Variants in CEP120 observed in about 807,000 individuals in gnomAD.
CEP120 encodes the protein centrosomal protein 120.
A neutral mutation model predicts 126.5 loss-of-function variants in CEP120; 113 were observed. The ratio of observed to expected loss-of-function variants is 0.89; its 90% CI spans 0.77 to 1.04. CEP120 has a LOEUF of 1.04. Ranked by LOEUF, CEP120 falls within the 50% of genes least tolerant of loss-of-function variation. CEP120 has a pLI of 0.00. For synonymous variants in CEP120, 400 were observed against 394.3 expected, an observed-to-expected ratio of 1.01 and a Z score of -0.17; for missense variants, 1,230 against 1,155.7, an observed-to-expected ratio of 1.06 and a Z score of -0.93.
rs1410093142 is a variant in CEP120, at chr5:123,346,226, A to AACTT, written c.*289_*292dup. The AACTT allele has an allele frequency of 1.4e-5, 4 of 279,886 alleles. No individual in the cohort carries two copies. Among genetic ancestry groups the AACTT allele is most frequent in the East Asian group, 1.5e-4 (2 of 13,510 alleles). The allele number at this position is 279,886 out of a possible 1,614,324, so 17.3% of individuals were successfully genotyped here. A position where few individuals can be genotyped will look rare whatever the true frequency, so the allele number is the denominator to read the frequency against. ...TACCGCAGTCATTTCTCCTACAACA[A>AACTT]ACTTAGTTAAAAGCTGTTTTGAAAG... On this transcript the variant is annotated 3_prime_UTR_variant, in exon 20 of 20. Coordinates refer to ENST00000306467, the MANE Select transcript of CEP120 (RefSeq NM_001375405.1).
intron 4 of CEP120, among the ~76,000 whole-genome samples, chr5:123,409,217 A>G (rs897815345): frequency 6.6e-6 from 1 of 152,244 alleles, no homozygotes; most frequent in African/African-American, 2.4e-5. Context: ...AAAGTATTTG[A>G]CAAAATCCAT....
At chr5:123,409,341 T>G (rs934068226) in intron 4 of CEP120, among the ~76,000 whole-genome samples, 5 of 152,170 alleles carry the variant, frequency 3.3e-5, no homozygotes, top group African/African-American at 1.2e-4. Context: ...GTGAAAAACC[T>G]GAAGCATTCA....
intron 12 of CEP120, 36 bp downstream of exon 12, chr5:123,382,950 T>G: frequency 1.2e-6 from 2 of 1,600,328 alleles, no homozygotes; most frequent in Non-Finnish European, 1.7e-6. Flanking sequence ...TTAGATTCCT[T>G]TTAAAAAAAA....
intron 17 of CEP120, 22 bp from the exon 18 acceptor site, chr5:123,364,616 T>C (rs1298193082): frequency 1.3e-5 from 19 of 1,462,000 alleles, no homozygotes; most frequent in Non-Finnish European, 1.7e-5. Context: ...TAAAATCATA[T>C]CAAGTGAAAC....
At chr5:123,385,227 G>T in intron 10 of CEP120, 94 bp from the exon 11 acceptor site, 1 of 998,084 alleles carries the variant, frequency 1.0e-6, no homozygotes, top group Non-Finnish European at 1.4e-6. Flanking sequence ...TGGAGTCAAA[G>T]ATGTTTTTTG....
chr5:123,417,559 T>C (rs1046967893), intron 2 of CEP120, among the ~76,000 whole-genome samples: 17 of 152,100 alleles, frequency 1.1e-4, no homozygotes, highest in Non-Finnish European at 2.4e-4. Flanking sequence ...ATTACTTTCA[T>C]AACTTTTCAC....
intron 8 of CEP120, 64 bp downstream of exon 8, chr5:123,389,860 T>C: frequency 3.5e-6 from 5 of 1,427,194 alleles, no homozygotes; most frequent in Non-Finnish European, 4.9e-6. Flanking sequence ...CTCATAGTCA[T>C]TTTTTAGATG....
At position 123,397,768 on chromosome 5, in the gene CEP120, C is replaced by A. The variant is rs546459712; in HGVS notation, c.612+1368G>T. On this transcript the variant is annotated intron_variant, in intron 5 of 19. Coordinates refer to ENST00000306467, the MANE Select transcript of CEP120 (RefSeq NM_001375405.1). ...AAATTTCATTTGTGAATGTGGATTACGTGGACATTTTGTTCCTCTAAGAAA... is the reference window on the plus strand; with the variant it reads ...AAATTTCATTTGTGAATGTGGATTAAGTGGACATTTTGTTCCTCTAAGAAA... Among the ~76,000 whole-genome samples the A allele has an allele frequency of 2.9e-4, 44 of 152,200 alleles. No individual in the cohort carries two copies. The South Asian group carries it at 8.9e-3, about 31-fold the overall frequency.
Position 123,382,787 on chromosome 5 carries a change from G to A in CEP120, c.1963C>T (p.Leu655Phe), listed in dbSNP as rs1330829981. Residue 655 changes from leucine (L) to phenylalanine (F), a missense_variant, in exon 13 of 20, where the codon CTT becomes TTT. By Grantham distance (22) the Leu-to-Phe change is conservative (BLOSUM62 0). Coordinates refer to ENST00000306467, the MANE Select transcript of CEP120 (RefSeq NM_001375405.1). ...ATCTCCTTCCACATTTCTAGCTCAA[G>A]TGCTGCTTTGTATTCTAACGTTTCA... is the stretch of plus-strand genomic sequence containing the variant. The part of the protein sequence containing the change: ...PRETLEYKAA[L>F]ELEMWKEMQE... 6 of 1,613,168 alleles carry A rather than the reference G, an allele frequency of 3.7e-6. No homozygotes were observed. Among genetic ancestry groups the A allele is most frequent in the Non-Finnish European group, 5.1e-6 (6 of 1,179,628 alleles).
chr5:123,392,381 TCTTCTC>T (rs1772462554), intron 6 of CEP120, among the ~76,000 whole-genome samples: 1 of 152,216 alleles, frequency 6.6e-6, no homozygotes, highest in Non-Finnish European at 1.5e-5. Context: ...TCCTAATGCT[TCTTCTC>T]ACCTCCTGTC....
At position 123,399,116 on chromosome 5, in the gene CEP120, A is replaced by G; in HGVS notation, c.612+20T>C. 6.5e-7 allele frequency: 1 copy of G among 1,548,162 alleles called. No individual in the cohort carries two copies. The highest frequency in any genetic ancestry group is 8.8e-7 in the Non-Finnish European group (1 of 1,138,244). ...GTTTTCAAATTATTCGTAAGTCACC[A>G]ATCTCATGAAAAGTCTCACCTGTTC... On this transcript the variant is annotated intron_variant, in intron 5 of 19. Coordinates refer to ENST00000306467, the MANE Select transcript of CEP120 (RefSeq NM_001375405.1).
intron 4 of CEP120, among the ~76,000 whole-genome samples, chr5:123,400,386 T>C (rs1773099669): frequency 6.6e-6 from 1 of 152,060 alleles, no homozygotes; most frequent in South Asian, 2.1e-4. Flanking sequence ...CATTAAGCAC[T>C]TTAATAAAGG....
At chr5:123,402,385 G>A in intron 4 of CEP120, 4 of 1,333,376 alleles carry the variant, frequency 3.0e-6, no homozygotes, top group South Asian at 1.8e-5. Context: ...ACCAGGCAGA[G>A]ATCCTAGAAG....
intron 5 of CEP120, among the ~76,000 whole-genome samples, chr5:123,394,586 A>G (rs1562062217): frequency 6.6e-6 from 1 of 152,206 alleles, no homozygotes; most frequent in Non-Finnish European, 1.5e-5. Context: ...AGGGTTGAGG[A>G]TCCCTCTCTA....
intron 17 of CEP120, among the ~76,000 whole-genome samples, chr5:123,371,424 C>G (rs1770846927): frequency 1.3e-5 from 2 of 152,048 alleles, no homozygotes; most frequent in South Asian, 4.1e-4. Flanking sequence ...GAGACTTATT[C>G]ACTATCAGGA....
At chr5:123,404,399 G>A (rs1264560642) in intron 4 of CEP120, among the ~76,000 whole-genome samples, 1 of 152,182 alleles carries the variant, frequency 6.6e-6, no homozygotes, top group African/African-American at 2.4e-5. Context: ...AGATGTCCAG[G>A]AGGCAAGTGA....
intron 2 of CEP120, among the ~76,000 whole-genome samples, chr5:123,417,014 T>C (rs75987585): frequency 0.028 from 4,304 of 152,290 alleles, 201 homozygotes; most frequent in African/African-American, 0.097. Flanking sequence ...CTGAATGGAT[T>C]TTGCCACTGC....
At chr5:123,350,224 AAC>A (rs1769116053) in intron 18 of CEP120, 135 bp from the exon 19 acceptor site, 4 of 763,992 alleles carry the variant, frequency 5.2e-6, no homozygotes, top group Admixed American at 3.1e-5. Context: ...TTTTTTTTTT[AAC>A]AGAGTCTCAC....
rs191422346 is a variant in CEP120 at position 123,382,863 on chromosome 5, C to T, written c.1887G>A (p.Pro629=). ...GACAAGGTGCTGGAGGAAGAGAAGACGGCTTTTGCTGTACGGCAGATACAC... is the reference window on the plus strand; with the variant it reads ...GACAAGGTGCTGGAGGAAGAGAAGATGGCTTTTGCTGTACGGCAGATACAC... ...SQGVSAVQQK[P]SSLPPAPCPS... Residue 629 remains proline, a synonymous_variant, in exon 13 of 20, where the codon CCG becomes CCA. Coordinates refer to ENST00000306467, the MANE Select transcript of CEP120 (RefSeq NM_001375405.1). The T allele has an allele frequency of 1.4e-5, 22 of 1,613,272 alleles. No homozygotes were observed. The highest frequency in any genetic ancestry group is 6.6e-5 in the South Asian group (6 of 91,036).
Sources: allele counts gnomAD v4.1 joint callset (sites outside exome capture counted in the v4.1 genomes callset), GRCh38; gene constraint gnomAD v4.1.1; transcripts MANE v1.5; gene names NCBI Gene and HGNC (gene_info 2026-07-23, HGNC 2026-07-21).